SEMA3A: variants seen among roughly 807,000 people sequenced by gnomAD.
The protein encoded by SEMA3A is semaphorin 3A.
SEMA3A carries 29 observed loss-of-function variants against 97.9 expected under a neutral mutation model. That is an observed-to-expected ratio of 0.30 (90% CI 0.22 to 0.40). The LOEUF is 0.40. SEMA3A is among the 10% of genes least tolerant of loss of function. The pLI is 1.00. For missense variants in SEMA3A, 763 were observed against 951.3 expected (o/e 0.80, Z 2.60); for synonymous variants, 321 against 323.7 (o/e 0.99, Z 0.09).
chr7:84,035,869 T>G (rs988755346), intron 6 of SEMA3A, among the ~76,000 whole-genome samples: 1 of 152,092 alleles, frequency 6.6e-6, no homozygotes, highest in Non-Finnish European at 1.5e-5. Flanking sequence ...CATTTGTCAC[T>G]GAGATAACAC....
In SEMA3A at chr7:84,194,659, A is replaced by G; in HGVS notation, c.-73T>C. 1 of 942,334 alleles carries G rather than the reference A, an allele frequency of 1.1e-6. No homozygotes were observed. The highest frequency in any genetic ancestry group is 2.4e-5 in the East Asian group (1 of 41,240). 58.4% of individuals were successfully genotyped at this position (942,334 alleles called of 1,614,324 possible). On this transcript the variant is annotated 5_prime_UTR_variant, in exon 1 of 17. Coordinates refer to ENST00000265362, the MANE Select transcript of SEMA3A (RefSeq NM_006080.3). ...ATTGTGCGGCCAGAGAAGTTCAAAC[A>G]ATCTGGAAACTGGAGGTAACAGGTG...
chr7:84,063,376 A>T (rs1256078720), intron 4 of SEMA3A, among the ~76,000 whole-genome samples: 1 of 149,106 alleles, frequency 6.7e-6, no homozygotes, highest in Non-Finnish European at 1.5e-5. Flanking sequence ...CCTCCTCCAA[A>T]GGAACGCAGT....
At chr7:84,395,698 G>A in intron 1 of SEMA3A, among the ~76,000 whole-genome samples, 1 of 152,048 alleles carries the variant, frequency 6.6e-6, no homozygotes, top group Admixed American at 6.6e-5. Context: ...CTTTTTCCCT[G>A]TTTGCTCGGC....
intron 12 of SEMA3A, among the ~76,000 whole-genome samples, chr7:83,992,588 C>T (rs1279743240): frequency 1.1e-4 from 17 of 152,048 alleles, no homozygotes; most frequent in East Asian, 5.8e-4. Flanking sequence ...CCAGTAGTCA[C>T]TCAGGAGCAG....
At chr7:84,070,642 T>C (rs1793706873) in intron 4 of SEMA3A, among the ~76,000 whole-genome samples, 1 of 152,138 alleles carries the variant, frequency 6.6e-6, no homozygotes, top group Admixed American at 6.6e-5. Context: ...TATGTTATCA[T>C]ATATTTTTTT....
At chr7:84,406,761 A>G (rs1210948065) in intron 1 of SEMA3A, among the ~76,000 whole-genome samples, 3 of 152,222 alleles carry the variant, frequency 2.0e-5, no homozygotes, top group Non-Finnish European at 2.9e-5. Flanking sequence ...GAAAATCAAT[A>G]AACATAATCC....
At chr7:84,294,720 A>C (rs1010087866) in intron 3 of SEMA3A, among the ~76,000 whole-genome samples, 1 of 152,096 alleles carries the variant, frequency 6.6e-6, no homozygotes, top group Non-Finnish European at 1.5e-5. Context: ...TAAAGGTTGA[A>C]CTGGTAAAAT....
intron 5 of SEMA3A, among the ~76,000 whole-genome samples, chr7:84,052,690 GT>G (rs762371694): frequency 3.6e-4 from 55 of 151,942 alleles, no homozygotes; most frequent in East Asian, 5.8e-4. Flanking sequence ...TTTTGGAAGG[GT>G]TTTTTTGTGT....
chr7:84,191,875 C>A (rs965681576), intron 1 of SEMA3A, among the ~76,000 whole-genome samples: 3 of 151,792 alleles, frequency 2.0e-5, no homozygotes, highest in African/African-American at 7.2e-5. Context: ...CACATCTATT[C>A]AATTCCTTTT....
intron 4 of SEMA3A, among the ~76,000 whole-genome samples, chr7:84,066,324 G>T (rs1346516643): frequency 2.0e-5 from 3 of 151,836 alleles, no homozygotes; most frequent in Admixed American, 1.3e-4. Flanking sequence ...ATACTGAATG[G>T]GCAAAACCTG....
chr7:83,985,279 C>T (rs1474170574), intron 13 of SEMA3A, among the ~76,000 whole-genome samples, 157 bp downstream of exon 13: 1 of 152,092 alleles, frequency 6.6e-6, no homozygotes, highest in Non-Finnish European at 1.5e-5. Flanking sequence ...TCTTCAGTTT[C>T]TAATCTACTA....
At chr7:84,330,913 T>C (rs1801895974) in intron 2 of SEMA3A, among the ~76,000 whole-genome samples, 1 of 152,086 alleles carries the variant, frequency 6.6e-6, no homozygotes, top group African/African-American at 2.4e-5. Context: ...TAAGCATATC[T>C]GAGGGTGGCT....
chr7:84,131,689 C>T (rs796261858), intron 2 of SEMA3A, among the ~76,000 whole-genome samples: 15 of 152,160 alleles, frequency 9.9e-5, no homozygotes, highest in Admixed American at 2.6e-4. Context: ...TCACAATAGG[C>T]GCTTAGAAGA....
chr7:84,460,498 C>A (rs1005882669), intron 1 of SEMA3A, among the ~76,000 whole-genome samples: 3 of 151,768 alleles, frequency 2.0e-5, no homozygotes, highest in African/African-American at 4.8e-5. Flanking sequence ...TATTTTTCTA[C>A]CATTTAGTCA....
chr7:84,291,325 T>C (rs972995460), intron 3 of SEMA3A, among the ~76,000 whole-genome samples: 9 of 152,234 alleles, frequency 5.9e-5, no homozygotes, highest in Middle Eastern at 3.4e-3. Flanking sequence ...TATTTATCTG[T>C]TCTTAATATA....
intron 6 of SEMA3A, among the ~76,000 whole-genome samples, chr7:84,027,233 T>G (rs1031724403): frequency 1.5e-4 from 23 of 152,208 alleles, no homozygotes; most frequent in African/African-American, 5.5e-4. Context: ...CTAGGCTTGT[T>G]CCCAGTTGAA....
intron 1 of SEMA3A, among the ~76,000 whole-genome samples, chr7:84,158,941 T>A (rs565089486): frequency 2.0e-4 from 31 of 152,180 alleles, no homozygotes; most frequent in African/African-American, 7.2e-4. Flanking sequence ...TGAATTTATA[T>A]AATAGGTCAC....
intron 2 of SEMA3A, among the ~76,000 whole-genome samples, chr7:84,356,044 C>A (rs1802553258): frequency 6.6e-6 from 1 of 151,934 alleles, no homozygotes; most frequent in Non-Finnish European, 1.5e-5. Context: ...ATCTTTGCTA[C>A]ATGTCTAACT....
intron 3 of SEMA3A, among the ~76,000 whole-genome samples, chr7:84,285,314 TC>T (rs1357821095): frequency 1.3e-5 from 2 of 152,052 alleles, no homozygotes; most frequent in East Asian, 3.9e-4. Context: ...GACTTTATGC[TC>T]CACCAAAGGT....
Sources: allele counts gnomAD v4.1 joint callset (sites outside exome capture counted in the v4.1 genomes callset), GRCh38; gene constraint gnomAD v4.1.1; transcripts MANE v1.5; gene names NCBI Gene and HGNC (gene_info 2026-07-23, HGNC 2026-07-21).